The following LRRTM4 variants were observed in gnomAD, a reference collection of about 807,000 sequenced individuals.
LRRTM4 encodes the protein leucine rich repeat transmembrane neuronal 4, also known as leucine-rich repeat transmembrane neuronal protein 4.
LRRTM4 carries 25 observed loss-of-function variants against 47.6 expected under a neutral mutation model. That is an observed-to-expected ratio of 0.53 (90% CI 0.38 to 0.73). The LOEUF (loss-of-function observed/expected upper bound fraction) is 0.73, where lower values mean the gene tolerates loss of function less well. Among genes scored for constraint, LRRTM4 ranks in the 30% least tolerant of loss-of-function variants. The pLI is 0.00. For synonymous variants in LRRTM4, 311 were observed against 269.5 expected, an observed-to-expected ratio of 1.15 and a Z score of -1.51; for missense variants, 638 against 713.4, an observed-to-expected ratio of 0.89 and a Z score of 1.20.
intron 3 of LRRTM4, among the ~76,000 whole-genome samples, chr2:77,456,355 C>A (rs967643046): frequency 1.3e-5 from 2 of 152,008 alleles, no homozygotes; most frequent in African/African-American, 4.8e-5. Flanking sequence ...TTTTGTTTTC[C>A]TTTTATCAAA....
chr2:76,835,968 T>G (rs187885926), intron 3 of LRRTM4, among the ~76,000 whole-genome samples: 210 of 152,172 alleles, frequency 1.4e-3, no homozygotes, highest in African/African-American at 4.5e-3. Context: ...TAAATGATAG[T>G]AGAACCTCTG....
In LRRTM4 at chr2:77,519,846, T is replaced by C; in HGVS notation, c.23A>G (p.Gln8Arg). Residue 8 changes from glutamine to arginine, a missense_variant, in exon 3 of 4, where the codon CAG becomes CGG. Transcript: ENST00000409884. The surrounding 1 kb of genome is among the most constrained non-coding windows in gnomAD (Gnocchi z 4.6). The stretch of plus-strand genomic sequence containing the variant: ...CAGCACCACACTCATGCCTTTCAGC[T>C]GCGTAATTAAATGGAAACCTACGAT... MGFHLIT[Q>R]LKGMSVVLVL... 3 of 1,600,500 alleles carry C rather than the reference T, an allele frequency of 1.9e-6. No homozygotes were observed. The highest frequency in any genetic ancestry group is 2.6e-6 in the Non-Finnish European group (3 of 1,172,948).
At chr2:77,338,172 T>C (rs1487673781) in intron 3 of LRRTM4, among the ~76,000 whole-genome samples, 1 of 152,076 alleles carries the variant, frequency 6.6e-6, no homozygotes, top group African/African-American at 2.4e-5. Context: ...ATTCTGGCCA[T>C]TGACCTTGAG....
intron 3 of LRRTM4, among the ~76,000 whole-genome samples, chr2:77,476,904 A>G (rs1318097331): frequency 6.6e-6 from 1 of 151,934 alleles, no homozygotes; most frequent in Non-Finnish European, 1.5e-5. Flanking sequence ...TCTTTGAAAA[A>G]TGCTACTTCT....
chr2:77,128,810 T>C (rs1275142247), intron 3 of LRRTM4, among the ~76,000 whole-genome samples: 2 of 147,134 alleles, frequency 1.4e-5, no homozygotes, highest in Non-Finnish European at 3.0e-5. Context: ...CGGCTAATTT[T>C]TGTATTTTTA....
At chr2:77,258,967 C>T (rs1675843288) in intron 3 of LRRTM4, among the ~76,000 whole-genome samples, 2 of 151,468 alleles carry the variant, frequency 1.3e-5, no homozygotes, top group East Asian at 1.9e-4. Flanking sequence ...AAGAAGGAGG[C>T]CTGAAGGAGC....
intron 3 of LRRTM4, among the ~76,000 whole-genome samples, chr2:77,084,929 C>G (rs981887627): frequency 6.6e-6 from 1 of 152,062 alleles, no homozygotes; most frequent in Non-Finnish European, 1.5e-5. Flanking sequence ...TGTACATATA[C>G]ATAAGCAATT....
intron 3 of LRRTM4, among the ~76,000 whole-genome samples, chr2:77,047,747 G>A (rs933259139): frequency 6.6e-6 from 1 of 152,010 alleles, no homozygotes; most frequent in African/African-American, 2.4e-5. Context: ...CTGAGGGACT[G>A]GGGATTAGGA....
intron 3 of LRRTM4, among the ~76,000 whole-genome samples, chr2:76,967,217 G>C (rs887764982): frequency 6.8e-6 from 1 of 147,824 alleles, no homozygotes; most frequent in Non-Finnish European, 1.5e-5. Flanking sequence ...AACTAAATGA[G>C]TACTTGTGGA....
chr2:76,769,510 A>G (rs1673594095), intron 3 of LRRTM4, among the ~76,000 whole-genome samples: 1 of 151,384 alleles, frequency 6.6e-6, no homozygotes, highest in African/African-American at 2.4e-5. Context: ...TCTAAATAAA[A>G]GCTCACTTGC....
intron 3 of LRRTM4, among the ~76,000 whole-genome samples, chr2:77,200,367 G>A (rs1558630642): frequency 6.6e-6 from 1 of 151,970 alleles, no homozygotes; most frequent in Non-Finnish European, 1.5e-5. Flanking sequence ...GACATCAGTT[G>A]ACAAAAACAT....
chr2:77,024,237 G>T (rs1393986992), intron 3 of LRRTM4, among the ~76,000 whole-genome samples: 1 of 152,084 alleles, frequency 6.6e-6, no homozygotes, highest in African/African-American at 2.4e-5. Flanking sequence ...TTGGGTGGGG[G>T]CACAGAGCCA....
chr2:77,518,996 A>G lies in LRRTM4; in HGVS notation c.873T>C (p.Asn291=), dbSNP rs1479229017. ...KLNLDSNKLT[N]ISQETVNAWI... ...ACGCATTGACAGTTTCCTGTGAGATATTGGTGAGCTTGTTGGAATCCAAAT... is the reference window on the plus strand; with the variant it reads ...ACGCATTGACAGTTTCCTGTGAGATGTTGGTGAGCTTGTTGGAATCCAAAT... Residue 291 remains asparagine, a synonymous_variant, in exon 3 of 4, where the codon AAT becomes AAC. Coordinates refer to ENST00000409884, the MANE Select transcript of LRRTM4 (RefSeq NM_001134745.3). The G allele has an allele frequency of 1.9e-6, 3 of 1,611,950 alleles. No individual in the cohort carries two copies. The South Asian group carries it at 3.3e-5, about 18-fold the overall frequency.
chr2:77,309,584 G>T (rs1351624393), intron 3 of LRRTM4, among the ~76,000 whole-genome samples: 1 of 152,040 alleles, frequency 6.6e-6, no homozygotes, highest in Non-Finnish European at 1.5e-5. Flanking sequence ...TTCTTAATGG[G>T]CAGGAAAGCT....
At chr2:77,364,174 T>C (rs568158764) in intron 3 of LRRTM4, among the ~76,000 whole-genome samples, 100 of 152,044 alleles carry the variant, frequency 6.6e-4, no homozygotes, top group Non-Finnish European at 1.2e-3. Flanking sequence ...TGTGTTTGTA[T>C]GAATATTTGC....
chr2:77,186,848 C>T (rs977750408), intron 3 of LRRTM4, among the ~76,000 whole-genome samples: 3 of 152,090 alleles, frequency 2.0e-5, no homozygotes, highest in Admixed American at 6.6e-5. Flanking sequence ...CAGACCAAAC[C>T]CCAAGAAGCT....
At chr2:77,506,417 GTTA>G (rs1168801044) in intron 3 of LRRTM4, among the ~76,000 whole-genome samples, 11 of 151,572 alleles carry the variant, frequency 7.3e-5, no homozygotes, top group African/African-American at 2.7e-4. Context: ...AATGAATAAT[GTTA>G]TTATTGTTGA....
chr2:76,855,787 C>A (rs770892884), intron 3 of LRRTM4, among the ~76,000 whole-genome samples: 2 of 152,022 alleles, frequency 1.3e-5, no homozygotes, highest in African/African-American at 4.8e-5. Flanking sequence ...AGCTTAATAA[C>A]AAGACCCTCA....
At chr2:77,055,283 A>AGG (rs1679564890) in intron 3 of LRRTM4, among the ~76,000 whole-genome samples, 1 of 152,228 alleles carries the variant, frequency 6.6e-6, no homozygotes, top group Non-Finnish European at 1.5e-5. Flanking sequence ...TGGGTCTTTG[A>AGG]TTCTCAGGAA....
Sources: allele counts gnomAD v4.1 joint callset (sites outside exome capture counted in the v4.1 genomes callset), GRCh38; gene constraint gnomAD v4.1.1; non-coding constraint Gnocchi (gnomAD v3.1); transcripts MANE v1.5; gene names NCBI Gene and HGNC (gene_info 2026-07-23, HGNC 2026-07-21).